ARHGEF3: variants seen among roughly 807,000 people sequenced by gnomAD.
The protein encoded by ARHGEF3 is Rho guanine nucleotide exchange factor 3.
ARHGEF3 carries 28 observed loss-of-function variants against 63.2 expected under a neutral mutation model. The ratio of observed to expected loss-of-function variants is 0.44; its 90% confidence interval spans 0.33 to 0.61. ARHGEF3 has a LOEUF of 0.61. ARHGEF3 is among the 20% of genes least tolerant of loss of function. The probability of loss-of-function intolerance (pLI) is 0.03; values close to 1 mark genes in which losing one functional copy is unlikely to be tolerated. For synonymous variants in ARHGEF3, 266 were observed against 254.2 expected, an observed-to-expected ratio of 1.05 and a Z score of -0.44; for missense variants, 533 against 659.3, an observed-to-expected ratio of 0.81 and a Z score of 2.10.
At chr3:57,059,087 G>T (rs916620770) in intron 1 of ARHGEF3, among the ~76,000 whole-genome samples, 1 of 151,914 alleles carries the variant, frequency 6.6e-6, no homozygotes, top group African/African-American at 2.4e-5. Context: ...CACATGTATA[G>T]ATATGTAACA....
rs148060202 is a variant in ARHGEF3 at position 56,927,345 on chromosome 3, G to A, written c.129+31478C>T. Among the ~76,000 whole-genome samples, 301 of 152,286 alleles carry A rather than the reference G, an allele frequency of 2.0e-3. 1 individual carries two copies. The highest frequency in any genetic ancestry group is 3.2e-3 in the Non-Finnish European group (215 of 68,026). Reference sequence around the variant, plus strand: ...AACATGACGGATAATAAGCCCCCATGTGGCACAACAAAAAGCAATTATAAG... The same window carrying A: ...AACATGACGGATAATAAGCCCCCATATGGCACAACAAAAAGCAATTATAAG... On this transcript the variant is annotated intron_variant, in intron 3 of 12. Coordinates refer to the ARHGEF3 transcript ENST00000338458.
chr3:56,766,436 T>G (rs910800618), intron 2 of ARHGEF3, among the ~76,000 whole-genome samples: 1 of 152,216 alleles, frequency 6.6e-6, no homozygotes, highest in Non-Finnish European at 1.5e-5. Flanking sequence ...TTCAGCCCAG[T>G]TGAAGAAGAT....
At chr3:57,022,045 A>C (rs1703280858) in intron 2 of ARHGEF3, among the ~76,000 whole-genome samples, 1 of 152,206 alleles carries the variant, frequency 6.6e-6, no homozygotes, top group South Asian at 2.1e-4. Flanking sequence ...CTGAGACAGG[A>C]GGACTGCTTG....
chr3:57,057,353 C>T (rs569712342), intron 1 of ARHGEF3, among the ~76,000 whole-genome samples: 6 of 152,260 alleles, frequency 3.9e-5, no homozygotes, highest in African/African-American at 7.2e-5. Context: ...TCAAGTGATC[C>T]GACTGCCTTG....
chr3:57,058,209 GA>G (rs1705028446), intron 1 of ARHGEF3, among the ~76,000 whole-genome samples: 1 of 152,056 alleles, frequency 6.6e-6, no homozygotes, highest in Non-Finnish European at 1.5e-5. Context: ...GGAATGCCTG[GA>G]AATTAGTATT....
At chr3:56,848,153 A>T (rs1328991054) in intron 4 of ARHGEF3, among the ~76,000 whole-genome samples, 1 of 152,188 alleles carries the variant, frequency 6.6e-6, no homozygotes, top group Non-Finnish European at 1.5e-5. Context: ...TCTGTGGATT[A>T]AATGATAGGG....
rs7647684 is a variant in ARHGEF3 at position 56,827,815 on chromosome 3, G to A, written c.193-53999C>T. On this transcript the variant is annotated intron_variant, in intron 4 of 12. Coordinates refer to the ARHGEF3 transcript ENST00000338458. ...AAGCCAGGCATGGTCGCACACTCCC[G>A]TAGTCCCAGCAACTTTGGAGGCTGA... Among the ~76,000 whole-genome samples, 1,174 of 140,722 alleles carry A rather than the reference G, an allele frequency of 8.3e-3. 8 individuals carry two copies. The highest frequency in any genetic ancestry group is 0.012 in the Non-Finnish European group (823 of 65,870). 92.3% of individuals were successfully genotyped at this position (140,722 alleles called of 152,430 possible). A position where few individuals can be genotyped will look rare whatever the true frequency, so the allele number is the denominator to read the frequency against.
chr3:57,021,651 G>A (rs1703263708), intron 2 of ARHGEF3, among the ~76,000 whole-genome samples: 1 of 151,970 alleles, frequency 6.6e-6, no homozygotes, highest in African/African-American at 2.4e-5. Context: ...TACTTGGGAG[G>A]CTGAGGCAGG....
intron 2 of ARHGEF3, among the ~76,000 whole-genome samples, chr3:56,977,560 G>A (rs1254974466): frequency 2.0e-5 from 3 of 152,146 alleles, no homozygotes; most frequent in South Asian, 2.1e-4. Context: ...AATGGGAACC[G>A]ATGGGAGGTT....
intron 3 of ARHGEF3, among the ~76,000 whole-genome samples, chr3:56,915,597 A>G (rs964862665): frequency 6.6e-6 from 1 of 152,184 alleles, no homozygotes; most frequent in Admixed American, 6.5e-5. Flanking sequence ...CCATTCTTCA[A>G]CCCATGGAAA....
At chr3:56,986,421 A>G (rs760598263) in intron 2 of ARHGEF3, among the ~76,000 whole-genome samples, 43 of 152,204 alleles carry the variant, frequency 2.8e-4, no homozygotes, top group Non-Finnish European at 5.4e-4. Context: ...GGAGCTGTAG[A>G]CAGAAAGGTT....
At chr3:56,953,953 T>C (rs1000914138) in intron 3 of ARHGEF3, among the ~76,000 whole-genome samples, 10 of 152,278 alleles carry the variant, frequency 6.6e-5, no homozygotes, top group Non-Finnish European at 1.2e-4. Flanking sequence ...TTTAACTGAG[T>C]TTCTATCACT....
At position 56,920,787 on chromosome 3, in the gene ARHGEF3, T is replaced by C. The variant is rs551861484; in HGVS notation, c.129+38036A>G. On this transcript the variant is annotated intron_variant, in intron 3 of 12. Transcript: ENST00000338458. ...CATGGCCAAGGCCGGGCACGATGGCTCATGCCTGTAATCCCAGCACTTTGG... is the reference window on the plus strand; with the variant it reads ...CATGGCCAAGGCCGGGCACGATGGCCCATGCCTGTAATCCCAGCACTTTGG... Among the ~76,000 whole-genome samples, 9 of 152,278 alleles carry C rather than the reference T, an allele frequency of 5.9e-5. No homozygotes were observed. In the East Asian group the frequency reaches 1.7e-3, roughly 29 times the overall value.
In ARHGEF3 at chr3:56,924,658, C is replaced by T. The variant is rs559897226; in HGVS notation, c.129+34165G>A. ...CTGACGTTGCCAAGGCGTTTGTAAA[C>T]TGTCATGGCACTGGTGGGAGTGTAG... is the stretch of plus-strand genomic sequence containing the variant. On this transcript the variant is annotated intron_variant, in intron 3 of 12. Coordinates refer to the ARHGEF3 transcript ENST00000338458. Among the ~76,000 whole-genome samples the T allele has an allele frequency of 6.6e-5, 10 of 152,330 alleles. No individual in the cohort carries two copies. In the East Asian group the frequency reaches 1.9e-3, roughly 29 times the overall value.
intron 2 of ARHGEF3, among the ~76,000 whole-genome samples, chr3:56,982,516 C>T (rs1352491422): frequency 6.6e-6 from 1 of 152,098 alleles, no homozygotes; most frequent in East Asian, 1.9e-4. Context: ...CCTTCCTATC[C>T]ACCCCTCTTG....
chr3:56,942,432 G>A lies in ARHGEF3; in HGVS notation c.129+16391C>T, dbSNP rs1699234510. On this transcript the variant is annotated intron_variant, in intron 3 of 12. Coordinates refer to the ARHGEF3 transcript ENST00000338458. ...TATTGTAATTGTTTTGGGGTGCCAC[G>A]AACCATCCTCATATAAGATGGTGAG... Among the ~76,000 whole-genome samples, 4 of 152,236 alleles carry A rather than the reference G, an allele frequency of 2.6e-5. No individual in the cohort carries two copies. In the South Asian group the frequency reaches 8.3e-4, roughly 32 times the overall value.
At chr3:56,828,397 A>C (rs1446311543) in intron 4 of ARHGEF3, among the ~76,000 whole-genome samples, 1 of 152,034 alleles carries the variant, frequency 6.6e-6, no homozygotes, top group Admixed American at 6.6e-5. Flanking sequence ...AGCCAGGCGC[A>C]GTGGCAGGAG....
chr3:56,870,712 T>C (rs989701444), intron 4 of ARHGEF3, among the ~76,000 whole-genome samples: 3 of 152,104 alleles, frequency 2.0e-5, no homozygotes, highest in Admixed American at 1.3e-4. Flanking sequence ...AGACTATGTA[T>C]ACATCGACTT....
At chr3:56,857,233 C>T (rs930680848) in intron 4 of ARHGEF3, among the ~76,000 whole-genome samples, 27 of 152,246 alleles carry the variant, frequency 1.8e-4, no homozygotes, top group African/African-American at 6.0e-4. Flanking sequence ...CGGTGGGTTG[C>T]CTTCCTAACG....
Sources: gnomAD v4.1 joint callset for allele counts (sites outside exome capture counted in the v4.1 genomes callset) on GRCh38, gnomAD v4.1.1 for gene constraint, MANE v1.5 for transcripts, NCBI Gene and HGNC (gene_info 2026-07-23, HGNC 2026-07-21) for gene names.